Variants in ANK2 observed in about 807,000 individuals in gnomAD.
ANK2 encodes ankyrin 2, also known as ankyrin-2.
A neutral mutation model predicts 360.5 loss-of-function variants in ANK2; 83 were observed. That is an observed-to-expected ratio of 0.23 (90% confidence interval 0.19 to 0.28). ANK2 has a LOEUF of 0.28. Ranked by LOEUF, ANK2 falls within the 10% of genes least tolerant of loss-of-function variation. ANK2 has a pLI of 1.00. For synonymous variants in ANK2, 1,740 were observed against 1,759.5 expected (o/e 0.99, Z 0.28); for missense variants, 4,201 against 4,795.7 (o/e 0.88, Z 3.66).
At chr4:113,154,513 A>G (rs910361648) in intron 1 of ANK2, among the ~76,000 whole-genome samples, 10 of 152,224 alleles carry the variant, frequency 6.6e-5, no homozygotes, top group African/African-American at 2.2e-4. Flanking sequence ...TTAAAATGTC[A>G]CATAGCACAT....
At chr4:113,024,145 A>G (rs2058747509) in intron 2 of ANK2, among the ~76,000 whole-genome samples, 1 of 152,248 alleles carries the variant, frequency 6.6e-6, no homozygotes. Flanking sequence ...GAAAGAGAAT[A>G]AAAACCAGAA....
rs368246908 is a variant in ANK2, at chr4:113,327,632, A to G, written c.2901-2614A>G. On this transcript the variant is annotated intron_variant, in intron 26 of 45. Coordinates refer to ENST00000357077, the MANE Select transcript of ANK2 (RefSeq NM_001148.6). ...GGACACAGGAAGAAATATGGAGAAC[A>G]TGTTCACTGTTATTATGGCACTTTT... 5.3e-4 allele frequency among the ~76,000 whole-genome samples: 80 copies of G among 152,354 alleles called. 2 individuals are homozygous for G. Among genetic ancestry groups the G allele is most frequent in the South Asian group, 5.0e-3 (24 of 4,830 alleles).
rs193279299 is a variant in ANK2, at chr4:112,881,114, A to G, written c.-39-23341A>G. On this transcript the variant is annotated intron_variant, in intron 1 of 30. Transcript: ENST00000503271. ...TTATGTTACTATAAAATAAACATAT[A>G]TTATCAAGTATCTTCTATAGAACAA... Among the ~76,000 whole-genome samples, 7 of 152,334 alleles carry G rather than the reference A, an allele frequency of 4.6e-5. No individual in the cohort carries two copies. In the East Asian group the frequency reaches 1.3e-3, roughly 29 times the overall value.
Position 113,332,427 on chromosome 4 carries a change from T to A in ANK2, c.3224+357T>A, listed in dbSNP as rs1164432721. Among the ~76,000 whole-genome samples the A allele has an allele frequency of 2.6e-5, 4 of 152,322 alleles. No homozygotes were observed. The South Asian group carries it at 8.3e-4, about 32-fold the overall frequency. Reference sequence around the variant, plus strand: ...ACCCTCTACATATTTTGAGAACGAATGTGACCTAAAAATAATAGGGCAGTG... The same window carrying A: ...ACCCTCTACATATTTTGAGAACGAAAGTGACCTAAAAATAATAGGGCAGTG... On this transcript the variant is annotated intron_variant, in intron 28 of 45. Coordinates refer to ENST00000357077, the MANE Select transcript of ANK2 (RefSeq NM_001148.6).
chr4:112,790,685 A>G, the ANK2 span, among the ~76,000 whole-genome samples: 1 of 151,630 alleles, frequency 6.6e-6, no homozygotes, highest in African/African-American at 2.4e-5. Flanking sequence ...ATAGTGTTTT[A>G]CCATATTGAC....
intron 5 of ANK2, among the ~76,000 whole-genome samples, chr4:113,233,132 T>TACCCAGAAAC (rs2099337374): frequency 9.7e-6 from 1 of 103,214 alleles, no homozygotes; most frequent in African/African-American, 3.8e-5. Flanking sequence ...TTTTTTTTTT[T>TACCCAGAAAC]TTTTTTTTTT....
chr4:113,282,879 T>G lies in ANK2; in HGVS notation c.2079+7T>G. ...TATCCACATGTCAACTAAGGTATTC[T>G]GTCCTTTCTTGCATCAATCAAGAGT... On this transcript the variant is annotated splice_region_variant and intron_variant, in intron 18 of 45. Transcript: ENST00000357077. 1 of 1,613,726 alleles carries G rather than the reference T, an allele frequency of 6.2e-7. No homozygotes were observed.
chr4:113,380,135 A>G (rs1227540258), intron 45 of ANK2, among the ~76,000 whole-genome samples: 2 of 152,094 alleles, frequency 1.3e-5, no homozygotes. Context: ...CACATTCGTC[A>G]AATACTTGTG....
At chr4:113,074,397 G>C (rs929561796) in intron 1 of ANK2, among the ~76,000 whole-genome samples, 1 of 152,164 alleles carries the variant, frequency 6.6e-6, no homozygotes, top group African/African-American at 2.4e-5. Context: ...AATTGTTCTG[G>C]AGTAAGGTCT....
chr4:113,292,642 C>G (rs990432284), intron 21 of ANK2, 128 bp downstream of exon 21: 21 of 1,086,758 alleles, frequency 1.9e-5, no homozygotes, highest in Non-Finnish European at 2.7e-5. Context: ...CTCTGGAAAG[C>G]CCCAGATTTT....
chr4:113,264,727 A>AC (rs2153657495), intron 13 of ANK2, among the ~76,000 whole-genome samples, 170 bp from the exon 14 acceptor site: 1 of 151,788 alleles, frequency 6.6e-6, no homozygotes, highest in African/African-American at 2.4e-5. Context: ...TGTCTCAAAA[A>AC]AAAAAAAAAG....
At chr4:113,301,158 T>G (rs976042186) in intron 22 of ANK2, among the ~76,000 whole-genome samples, 5 of 151,952 alleles carry the variant, frequency 3.3e-5, no homozygotes, top group African/African-American at 1.2e-4. Flanking sequence ...AGGGATTCAT[T>G]TTTTTTTAAA....
intron 2 of ANK2, among the ~76,000 whole-genome samples, chr4:113,041,118 CGCT>C (rs897784349): frequency 9.2e-5 from 14 of 152,170 alleles, no homozygotes; most frequent in African/African-American, 3.4e-4. Context: ...CATATCCATT[CGCT>C]GCTTAGTTCC....
chr4:113,277,306 T>A (rs969364807), intron 15 of ANK2, among the ~76,000 whole-genome samples: 3 of 152,206 alleles, frequency 2.0e-5, no homozygotes, highest in Admixed American at 2.0e-4. Flanking sequence ...TAGTACATGT[T>A]TTTTGTTCTA....
intron 2 of ANK2, among the ~76,000 whole-genome samples, chr4:112,968,832 T>A (rs914919711): frequency 6.6e-6 from 1 of 152,240 alleles, no homozygotes; most frequent in East Asian, 1.9e-4. Context: ...TGTTCATTTC[T>A]CTACTTATAC....
intron 14 of ANK2, among the ~76,000 whole-genome samples, chr4:113,272,118 T>A (rs2058751833): frequency 6.6e-6 from 1 of 152,230 alleles, no homozygotes; most frequent in Non-Finnish European, 1.5e-5. Flanking sequence ...GGGAACCCTG[T>A]TAGCTAGTAA....
intron 1 of ANK2, among the ~76,000 whole-genome samples, chr4:112,870,847 T>G (rs533406142): frequency 1.5e-4 from 23 of 152,334 alleles, no homozygotes; most frequent in Non-Finnish European, 2.8e-4. Flanking sequence ...GGAATTTTGA[T>G]AGTGTACTGA....
intron 9 of ANK2, among the ~76,000 whole-genome samples, chr4:113,242,504 C>G (rs2040515072): frequency 2.0e-5 from 3 of 152,328 alleles, no homozygotes; most frequent in Non-Finnish European, 4.4e-5. Context: ...TTACACAACT[C>G]TCTTTTGGGT....
Position 113,282,793 on chromosome 4 carries a change from A to T in ANK2, c.2000A>T (p.His667Leu). ...IVTKQGVTPLHLASQEGHTDM... is the reference protein window; with the variant it reads ...IVTKQGVTPLLLASQEGHTDM... Reference sequence around the variant, plus strand: ...ACAAAGCAAGGAGTAACTCCACTCCATCTGGCCTCGCAGGAGGGGCACACA... The same window carrying T: ...ACAAAGCAAGGAGTAACTCCACTCCTTCTGGCCTCGCAGGAGGGGCACACA... Residue 667 changes from histidine to leucine, a missense_variant, in exon 18 of 46, where the codon CAT (histidine) becomes CTT (leucine). By Grantham distance (99) the His-to-Leu change is moderately conservative (BLOSUM62 -3). Coordinates refer to ENST00000357077, the MANE Select transcript of ANK2 (RefSeq NM_001148.6). The T allele has an allele frequency of 6.2e-7, 1 of 1,614,064 alleles. No individual in the cohort carries two copies. The highest frequency in any genetic ancestry group is 8.5e-7 in the Non-Finnish European group (1 of 1,179,962).
Sources: allele counts gnomAD v4.1 joint callset (sites outside exome capture counted in the v4.1 genomes callset), GRCh38; gene constraint gnomAD v4.1.1; transcripts MANE v1.5; gene names NCBI Gene and HGNC (gene_info 2026-07-23, HGNC 2026-07-21).